Variants in OAS3 observed in about 807,000 individuals in gnomAD.
OAS3 encodes 2'-5'-oligoadenylate synthase 3.
OAS3 carries 107 observed loss-of-function variants against 113.0 expected under a neutral mutation model. The ratio of observed to expected loss-of-function variants is 0.95; its 90% CI spans 0.81 to 1.11. OAS3 has a LOEUF of 1.11. Among genes scored for constraint, OAS3 ranks in the 50% most tolerant of loss-of-function variants. OAS3 has a pLI of 0.00. For synonymous variants in OAS3, 552 were observed against 573.6 expected (o/e 0.96, Z 0.54); for missense variants, 1,258 against 1,389.1 (o/e 0.91, Z 1.50).
Position 112,938,648 on chromosome 12 carries a change from C to A in OAS3, c.118C>A (p.Leu40Met). The A allele has an allele frequency of 6.2e-7, 1 of 1,600,372 alleles. No homozygotes were observed. Among genetic ancestry groups the A allele is most frequent in the Non-Finnish European group, 8.5e-7 (1 of 1,174,822 alleles). Reference protein sequence around the residue: ...RRALGALAAALRERGGRLGAA... With the variant: ...RRALGALAAAMRERGGRLGAA... ...CGCTCTGGGCGCCCTGGCCGCTGCC[C>A]TGAGGGAGCGCGGGGGCCGCCTCGG... Residue 40 changes from leucine (L) to methionine (M), a missense_variant, in exon 1 of 16, where the codon CTG becomes ATG. Physicochemically the swap from Leu to Met is conservative, Grantham distance 15. Coordinates refer to ENST00000228928, the MANE Select transcript of OAS3 (RefSeq NM_006187.4).
At position 112,949,163 on chromosome 12, in the gene OAS3, C is replaced by A. The variant is rs760402645; in HGVS notation, c.1332C>A (p.Cys444Ter). 6.2e-7 allele frequency: 1 copy of A among 1,613,490 alleles called. No homozygotes were observed. ...VKKAIDIILRCLHENCVHKAS... is the reference protein window; with the variant it reads ...VKKAIDIILR The stretch of plus-strand genomic sequence containing the variant: ...AGGCCATTGACATCATCTTGCGCTG[C>A]CTCCATGAGAACTGTGTTCACAAGG... Residue 444 changes from cysteine to a stop codon, truncating the protein, a stop_gained, in exon 6 of 16, where the codon TGC becomes TGA. Transcript: ENST00000228928. LOFTEE classifies it high-confidence loss of function.
chr12:112,946,521 T>TA (rs1419968336), intron 3 of OAS3, among the ~76,000 whole-genome samples: 1 of 152,130 alleles, frequency 6.6e-6, no homozygotes, highest in Non-Finnish European at 1.5e-5. Context: ...ACTTGAAACT[T>TA]ACACCCCTCC....
Position 112,946,877 on chromosome 12 carries a change from C to G in OAS3, c.771C>G (p.Gly257=). 6.2e-7 allele frequency: 1 copy of G among 1,614,030 alleles called. No individual in the cohort carries two copies. Among genetic ancestry groups the G allele is most frequent in the Non-Finnish European group, 8.5e-7 (1 of 1,179,886 alleles). The part of the protein sequence containing the change: ...SLAEGLRTVL[G]LIQQHQHLCV... ...CCGAAGGCCTCCGAACTGTCCTGGG[C>G]CTGATCCAACAGCATCAGCACCTGT... The change falls in exon 4 of 16, where the codon GGC becomes GGG. Residue 257 remains glycine (G), a synonymous_variant. Transcript: ENST00000228928.
At chr12:112,958,406 A>C (rs2043853946) in intron 7 of OAS3, among the ~76,000 whole-genome samples, 1 of 152,220 alleles carries the variant, frequency 6.6e-6, no homozygotes, top group Non-Finnish European at 1.5e-5. Flanking sequence ...GTTCCTTTGG[A>C]GGAGAAGAGG....
chr12:112,942,313 G>A (rs1311578103), intron 2 of OAS3: 2 of 259,936 alleles, frequency 7.7e-6, no homozygotes, highest in Non-Finnish European at 1.5e-5. Flanking sequence ...ATAGGCCTCT[G>A]TGTCCTCATC....
At chr12:112,948,786 C>G in intron 5 of OAS3, 75 bp from the exon 6 acceptor site, 1 of 1,175,448 alleles carries the variant, frequency 8.5e-7, no homozygotes, top group South Asian at 1.5e-5. Flanking sequence ...AGGGCGGGAG[C>G]TGGGGAGAGA....
Position 112,963,364 on chromosome 12 carries a change from C to T in OAS3, c.2136C>T (p.Ser712=). ...ADPTWNVGHG[S]WELLAQEAAA... is the part of the protein sequence containing the mutation. ...CCACCTGGAACGTGGGCCACGGTAG[C>T]TGGGAGCTGTTGGCCCAGGAAGCAG... Residue 712 remains serine, a synonymous_variant, in exon 10 of 16, where the codon AGC becomes AGT. Coordinates refer to ENST00000228928, the MANE Select transcript of OAS3 (RefSeq NM_006187.4). The surrounding 1 kb of genome is among the most constrained non-coding windows in gnomAD (Gnocchi z 4.6). 6.4e-7 allele frequency: 1 copy of T among 1,559,470 alleles called. No homozygotes were observed. The highest frequency in any genetic ancestry group is 8.7e-7 in the Non-Finnish European group (1 of 1,151,248).
chr12:112,947,120 C>A, intron 4 of OAS3, 139 bp downstream of exon 4: 1 of 666,676 alleles, frequency 1.5e-6, no homozygotes, highest in Non-Finnish European at 2.6e-6. Flanking sequence ...TGTTTTAATT[C>A]ACTGGACTCA....
rs1330028802 is a variant in OAS3 at position 112,965,926 on chromosome 12, C to T, written c.2586C>T (p.Val862=). The T allele has an allele frequency of 6.2e-7, 1 of 1,613,792 alleles. No homozygotes were observed. Among genetic ancestry groups the T allele is most frequent in the Admixed American group, 1.7e-5 (1 of 59,976 alleles). The change falls in exon 12 of 16, where the codon GTC becomes GTT. Residue 862 remains valine (V), a synonymous_variant. Transcript: ENST00000228928. ...GGCAGTTCGAGGTCAAGTTTGAAGT[C>T]TCCAAATGGGAGAATCCCCGCGTGC... ...QERQFEVKFE[V]SKWENPRVLS... is the part of the protein sequence containing the mutation.
chr12:112,951,236 T>C (rs2043788344), intron 7 of OAS3, among the ~76,000 whole-genome samples: 1 of 152,222 alleles, frequency 6.6e-6, no homozygotes, highest in Non-Finnish European at 1.5e-5. Flanking sequence ...CAATTCAGAT[T>C]TAACAAATGT....
chr12:112,951,374 G>A (rs2043790169), intron 7 of OAS3, among the ~76,000 whole-genome samples: 1 of 151,884 alleles, frequency 6.6e-6, no homozygotes, highest in African/African-American at 2.4e-5. Flanking sequence ...TCTTAGCTTA[G>A]TAATTATCAG....
chr12:112,966,075 G>T, intron 12 of OAS3, 46 bp downstream of exon 12: 1 of 1,593,464 alleles, frequency 6.3e-7, no homozygotes, highest in South Asian at 1.1e-5. Context: ...TACAGAGGCA[G>T]GGCCGCCATG....
At chr12:112,957,716 G>A (rs1008425679) in intron 7 of OAS3, among the ~76,000 whole-genome samples, 1 of 152,206 alleles carries the variant, frequency 6.6e-6, no homozygotes, top group East Asian at 1.9e-4. Context: ...CTGTTAGTCT[G>A]ATGGGCTTCC....
At chr12:112,969,539 C>G in intron 14 of OAS3, 69 bp from the exon 15 acceptor site, 1 of 1,539,404 alleles carries the variant, frequency 6.5e-7, no homozygotes, top group Non-Finnish European at 8.8e-7. Context: ...GGAAAATAGT[C>G]CAACCAGTGC....
At position 112,948,881 on chromosome 12, in the gene OAS3, C is replaced by A; in HGVS notation, c.1050C>A (p.Cys350Ter). 2 of 1,583,950 alleles carry A rather than the reference C, an allele frequency of 1.3e-6. No homozygotes were observed. Among genetic ancestry groups the A allele is most frequent in the East Asian group, 2.3e-5 (1 of 43,194 alleles). ...WKGPGLPRAG[C>*]SGLGHPIQLD... ...TCCAGGGCCTTCCACGTGCTGGATGCTCAGGTTTGGGCCACCCCATCCAGC... is the reference window on the plus strand; with the variant it reads ...TCCAGGGCCTTCCACGTGCTGGATGATCAGGTTTGGGCCACCCCATCCAGC... The change falls in exon 6 of 16, where the codon TGC (cysteine) becomes TGA (stop). Residue 350 changes from cysteine (C) to a stop codon, truncating the protein, a stop_gained. Coordinates refer to ENST00000228928, the MANE Select transcript of OAS3 (RefSeq NM_006187.4). LOFTEE classifies it high-confidence loss of function.
Position 112,969,978 on chromosome 12 carries a change from G to A in OAS3, c.*5G>A. On this transcript the variant is annotated 3_prime_UTR_variant, in exon 16 of 16. Coordinates refer to ENST00000228928, the MANE Select transcript of OAS3 (RefSeq NM_006187.4). ...CTTCCCCAGGCTGCTGTGTGAAGTT[G>A]AGAAAATCAGCGGTCCTACTGGATG... The A allele has an allele frequency of 6.2e-7, 1 of 1,607,444 alleles. No individual in the cohort carries two copies. The highest frequency in any genetic ancestry group is 8.5e-7 in the Non-Finnish European group (1 of 1,176,818).
At chr12:112,965,075 A>G (rs184432547) in intron 11 of OAS3, among the ~76,000 whole-genome samples, 1 of 152,286 alleles carries the variant, frequency 6.6e-6, no homozygotes, top group East Asian at 1.9e-4. Context: ...GGTGTACAAA[A>G]GGTCACACTG....
rs1429134147 is a variant in OAS3 at position 112,972,060 on chromosome 12, C to G, written c.*2087C>G. ...CAGAGACCTGCTCTGCCAAGTTGTC[C>G]AGCAGCAGAGTGGCCCTGGCCTGGG... is the stretch of plus-strand genomic sequence containing the variant. On this transcript the variant is annotated 3_prime_UTR_variant, in exon 16 of 16. Coordinates refer to ENST00000228928, the MANE Select transcript of OAS3 (RefSeq NM_006187.4). 1.3e-5 allele frequency: 2 copies of G among 152,272 alleles called. No homozygotes were observed. Among genetic ancestry groups the G allele is most frequent in the Admixed American group, 1.3e-4 (2 of 15,292 alleles). 9.4% of individuals were successfully genotyped at this position (152,272 alleles called of 1,614,324 possible).
chr12:112,946,657 G>A, intron 3 of OAS3, 86 bp from the exon 4 acceptor site: 1 of 1,221,054 alleles, frequency 8.2e-7, no homozygotes, highest in Non-Finnish European at 1.2e-6. Flanking sequence ...GCTCGGCCTG[G>A]AAGGTCCCCA....
Sources: allele counts gnomAD v4.1 joint callset (sites outside exome capture counted in the v4.1 genomes callset), GRCh38; gene constraint gnomAD v4.1.1; non-coding constraint Gnocchi (gnomAD v3.1); transcripts MANE v1.5; gene names NCBI Gene and HGNC (gene_info 2026-07-23, HGNC 2026-07-21).